EXOC3L2: variants seen among roughly 807,000 people sequenced by gnomAD.
The protein encoded by EXOC3L2 is exocyst complex component 3-like protein 2.
A neutral mutation model predicts 44.4 loss-of-function variants in EXOC3L2; 17 were observed. The ratio of observed to expected loss-of-function variants is 0.38; its 90% CI spans 0.26 to 0.57. EXOC3L2 has a LOEUF of 0.57. Ranked by LOEUF, EXOC3L2 falls within the 20% of genes least tolerant of loss-of-function variation. The pLI is 0.65. For missense variants in EXOC3L2, 541 were observed against 588.4 expected (o/e 0.92, Z 0.83); for synonymous variants, 256 against 253.7 (o/e 1.01, Z -0.09).
chr19:45,243,127 C>A (rs1018097567), intron 1 of EXOC3L2, among the ~76,000 whole-genome samples: 1 of 152,140 alleles, frequency 6.6e-6, no homozygotes, highest in Non-Finnish European at 1.5e-5. Flanking sequence ...TTTTTGCTCA[C>A]GTTATGAACT....
In EXOC3L2 at chr19:45,216,019, G is replaced by A. The variant is rs1191037176; in HGVS notation, c.2120+54C>T. On this transcript the variant is annotated intron_variant, in intron 11 of 11. Transcript: ENST00000413988. Reference sequence around the variant, plus strand: ...AAGCACAGGGACGGATGCCAAGGCCGCCAGGAGACCTCGGCCAGGCACGGC... The same window carrying A: ...AAGCACAGGGACGGATGCCAAGGCCACCAGGAGACCTCGGCCAGGCACGGC... The A allele has an allele frequency of 1.7e-5, 27 of 1,602,184 alleles. No homozygotes were observed. In the East Asian group the frequency reaches 1.8e-4, roughly 11 times the overall value.
intron 9 of EXOC3L2, 124 bp from the exon 10 acceptor site, chr19:45,217,807 TCC>T (rs2122958101): frequency 8.6e-7 from 1 of 1,159,368 alleles, no homozygotes; most frequent in Admixed American, 3.6e-5. Context: ...TGGGCACCCT[TCC>T]CGTGCCCACG....
At chr19:45,243,353 G>A (rs1266913002) in intron 1 of EXOC3L2, among the ~76,000 whole-genome samples, 1 of 152,180 alleles carries the variant, frequency 6.6e-6, no homozygotes, top group Non-Finnish European at 1.5e-5. Context: ...TGGGAAGAGG[G>A]TGGTGTGCAA....
chr19:45,241,370 C>T (rs1011716703), intron 1 of EXOC3L2, among the ~76,000 whole-genome samples: 6 of 150,390 alleles, frequency 4.0e-5, no homozygotes, highest in South Asian at 2.1e-4. Context: ...CCCAGCTACT[C>T]GGGAGGCTGA....
chr19:45,216,311 C>T lies in EXOC3L2; in HGVS notation c.1999-117G>A, dbSNP rs181327550. 2.3e-5 allele frequency: 32 copies of T among 1,399,754 alleles called. 2 individuals are homozygous for T. The Admixed American group carries it at 4.0e-4, about 17-fold the overall frequency. 86.7% of individuals were successfully genotyped at this position (1,399,754 alleles called of 1,614,324 possible). On this transcript the variant is annotated intron_variant, in intron 10 of 11. Transcript: ENST00000413988. ...GTAGCAGAAACCAGGGGTGGTGGCTCAAGCCTGTAATCCCAGCACTTTGGG... is the reference window on the plus strand; with the variant it reads ...GTAGCAGAAACCAGGGGTGGTGGCTTAAGCCTGTAATCCCAGCACTTTGGG...
Position 45,218,762 on chromosome 19 carries a change from G to A in EXOC3L2, c.1720-443C>T, listed in dbSNP as rs79531457. Among the ~76,000 whole-genome samples, 649 of 152,212 alleles carry A rather than the reference G, an allele frequency of 4.3e-3. 3 individuals are homozygous for A. Among genetic ancestry groups the A allele is most frequent in the Middle Eastern group, 0.01 (3 of 294 alleles). On this transcript the variant is annotated intron_variant, in intron 8 of 11. Coordinates refer to ENST00000413988, the MANE Select transcript of EXOC3L2 (RefSeq NM_001382422.1). ...TGGGCATGTCAGGGAGAGGACCAGC[G>A]AAAAGGTCAGTGTGGTTGATGAAAA...
chr19:45,226,447 T>C (rs1969960871), intron 7 of EXOC3L2, among the ~76,000 whole-genome samples: 1 of 151,858 alleles, frequency 6.6e-6, no homozygotes, highest in African/African-American at 2.4e-5. Context: ...TTTTATTTTC[T>C]TTTTTTTGAG....
chr19:45,228,014 C>A lies in EXOC3L2; in HGVS notation c.1432G>T (p.Ala478Ser). 1 of 1,614,010 alleles carries A rather than the reference C, an allele frequency of 6.2e-7. No individual in the cohort carries two copies. The highest frequency in any genetic ancestry group is 8.5e-7 in the Non-Finnish European group (1 of 1,180,018). ...RISQEFGERMAHCCLGGLAEF... is the reference protein window; with the variant it reads ...RISQEFGERMSHCCLGGLAEF... ...GCCAGCCCGCCTAGGCAGCAGTGGG[C>A]CATCCGCTCCCCAAACTCCTGGCTG... The change falls in exon 6 of 12, where the codon GCC becomes TCC. Residue 478 changes from alanine to serine, a missense_variant. Transcript: ENST00000413988.
intron 2 of EXOC3L2, among the ~76,000 whole-genome samples, chr19:45,236,961 T>C (rs1970089437): frequency 6.7e-6 from 1 of 149,662 alleles, no homozygotes. Flanking sequence ...GCTGAGATTG[T>C]ACCATTGCAC....
At chr19:45,227,892 T>A in intron 6 of EXOC3L2, 82 bp downstream of exon 6, 5 of 1,520,708 alleles carry the variant, frequency 3.3e-6, no homozygotes, top group Non-Finnish European at 4.5e-6. Context: ...TGACTCCCTC[T>A]CATCTCTCCT....
chr19:45,217,555 C>G lies in EXOC3L2; in HGVS notation c.1971G>C (p.Ala657=). 1 of 1,570,290 alleles carries G rather than the reference C, an allele frequency of 6.4e-7. No individual in the cohort carries two copies. The highest frequency in any genetic ancestry group is 8.6e-7 in the Non-Finnish European group (1 of 1,165,156). The change falls in exon 10 of 12, where the codon GCG becomes GCC. Residue 657 remains alanine (A), a synonymous_variant. Transcript: ENST00000413988. ...GCCGCCGGAACAGCCTCTGCAGTTG[C>G]GCCGCGTCCTCCCGGAGCCTGCCGG... ...RVAGRLREDA[A]QLQRLFRRLE...
chr19:45,230,639 G>A (rs10402739), intron 4 of EXOC3L2, among the ~76,000 whole-genome samples: 12,585 of 152,068 alleles, frequency 0.083, 650 homozygotes, highest in African/African-American at 0.14. Flanking sequence ...GTGAGCCACC[G>A]CGCCCGGCCA....
At chr19:45,219,303 G>T (rs1470812889) in intron 8 of EXOC3L2, among the ~76,000 whole-genome samples, 1 of 149,274 alleles carries the variant, frequency 6.7e-6, no homozygotes, top group African/African-American at 2.5e-5. Context: ...GCTGAGGTGG[G>T]AGGATGGCTT....
chr19:45,224,833 T>C lies in EXOC3L2; in HGVS notation c.1664A>G (p.His555Arg), dbSNP rs1819735611. ...AREASASALD[H>R]VTRLCHRVVA... ...GACACGGTGGCAGAGCCGGGTCACATGGTCCAGAGCACTAGCAGATGCTTC... is the reference window on the plus strand; with the variant it reads ...GACACGGTGGCAGAGCCGGGTCACACGGTCCAGAGCACTAGCAGATGCTTC... Residue 555 changes from histidine (H) to arginine (R), a missense_variant, in exon 8 of 12, where the codon CAT (histidine) becomes CGT (arginine). Coordinates refer to ENST00000413988, the MANE Select transcript of EXOC3L2 (RefSeq NM_001382422.1). 2 of 1,596,136 alleles carry C rather than the reference T, an allele frequency of 1.3e-6. No individual in the cohort carries two copies. The highest frequency in any genetic ancestry group is 1.7e-6 in the Non-Finnish European group (2 of 1,171,788).
chr19:45,238,513 C>G lies in EXOC3L2; in HGVS notation c.523+10G>C, dbSNP rs1970102847. The G allele has an allele frequency of 2.5e-6, 1 of 399,530 alleles. No homozygotes were observed. The allele number at this position is 399,530 out of a possible 1,614,324, so 24.7% of individuals were successfully genotyped here. ...ATTCTCCCAGGACAGGGTCAGGGCTCCGGACTCACCTGACAATGGCTCCTT... is the reference window on the plus strand; with the variant it reads ...ATTCTCCCAGGACAGGGTCAGGGCTGCGGACTCACCTGACAATGGCTCCTT... On this transcript the variant is annotated intron_variant, in intron 2 of 11. Transcript: ENST00000413988. This position sits in a 1 kb window ranked among gnomAD's most constrained non-coding sequence, Gnocchi z 5.5.
At chr19:45,222,731 A>C (rs1236823010) in intron 8 of EXOC3L2, among the ~76,000 whole-genome samples, 1 of 152,144 alleles carries the variant, frequency 6.6e-6, no homozygotes, top group East Asian at 1.9e-4. Flanking sequence ...CTCTGTCTCA[A>C]AAACAATTTA....
At chr19:45,244,277 C>T in intron 1 of EXOC3L2, among the ~76,000 whole-genome samples, 1 of 152,170 alleles carries the variant, frequency 6.6e-6, no homozygotes, top group East Asian at 1.9e-4. Context: ...CAAAATGGCT[C>T]CATCATCCCC....
At chr19:45,224,964 A>G in intron 7 of EXOC3L2, 51 bp from the exon 8 acceptor site, 8 of 1,486,576 alleles carry the variant, frequency 5.4e-6, no homozygotes, top group Non-Finnish European at 6.3e-6. Context: ...TCTCAGCCCA[A>G]CTGCCTAGGC....
At chr19:45,220,440 A>T (rs1969884512) in intron 8 of EXOC3L2, among the ~76,000 whole-genome samples, 1 of 152,164 alleles carries the variant, frequency 6.6e-6, no homozygotes, top group African/African-American at 2.4e-5. Context: ...ATTGCACTCC[A>T]GCCTGGGCGA....
Sources: gnomAD v4.1 joint callset for allele counts (sites outside exome capture counted in the v4.1 genomes callset) on GRCh38, gnomAD v4.1.1 for gene constraint, Gnocchi (gnomAD v3.1) non-coding constraint, MANE v1.5 for transcripts, NCBI Gene and HGNC (gene_info 2026-07-23, HGNC 2026-07-21) for gene names.